The following FHIT variants were observed in gnomAD, a reference collection of about 807,000 sequenced individuals.
FHIT encodes the protein fragile histidine triad diadenosine triphosphatase.
In FHIT, 19 loss-of-function variants were observed where a neutral mutation model predicts 17.9. The ratio of observed to expected loss-of-function variants is 1.06; its 90% CI spans 0.74 to 1.56. The LOEUF (loss-of-function observed/expected upper bound fraction) is 1.56, where lower values mean the gene tolerates loss of function less well. Ranked by LOEUF, FHIT falls within the 40% of genes most tolerant of loss-of-function variation. The pLI, the probability that FHIT is intolerant of heterozygous loss-of-function variation, is 0.00. For synonymous variants in FHIT, 81 were observed against 69.7 expected (o/e 1.16, Z -0.81); for missense variants, 248 against 189.2 (o/e 1.31, Z -1.82).
At chr3:60,143,984 A>C (rs1700136437) in intron 5 of FHIT, among the ~76,000 whole-genome samples, 1 of 152,140 alleles carries the variant, frequency 6.6e-6, no homozygotes, top group African/African-American at 2.4e-5. Flanking sequence ...TTCCAAAGTA[A>C]CAACACTAGG....
At position 60,411,726 on chromosome 3, in the gene FHIT, G is replaced by C. The variant is rs554269720; in HGVS notation, c.103+125134C>G. ...GTGCCAGATGGTTGTTAACAAAAAA[G>C]AAAATGCTTTCAACAAACCTCACAT... On this transcript the variant is annotated intron_variant, in intron 5 of 9. Coordinates refer to ENST00000492590, the MANE Select transcript of FHIT (RefSeq NM_002012.4). Among the ~76,000 whole-genome samples, 4 of 152,192 alleles carry C rather than the reference G, an allele frequency of 2.6e-5. No individual in the cohort carries two copies. In the South Asian group the frequency reaches 8.3e-4, roughly 32 times the overall value.
intron 5 of FHIT, among the ~76,000 whole-genome samples, chr3:60,052,294 T>G (rs1351112587): frequency 1.3e-5 from 2 of 152,098 alleles, no homozygotes; most frequent in East Asian, 3.9e-4. Flanking sequence ...GGGGCAGCTT[T>G]GCCTATCACG....
chr3:60,146,620 GGGGGTA>G (rs1700253719), intron 5 of FHIT, among the ~76,000 whole-genome samples: 1 of 152,260 alleles, frequency 6.6e-6, no homozygotes, highest in African/African-American at 2.4e-5. Flanking sequence ...TAGAGAGAAT[GGGGGTA>G]GCTACGTTCA....
chr3:60,564,292 G>A (rs908432088), intron 4 of FHIT, among the ~76,000 whole-genome samples: 1 of 152,138 alleles, frequency 6.6e-6, no homozygotes, highest in Non-Finnish European at 1.5e-5. Context: ...AAATATTACT[G>A]CTTACTGATG....
At chr3:61,205,442 G>T (rs1295024744) in intron 1 of FHIT, among the ~76,000 whole-genome samples, 16 of 152,174 alleles carry the variant, frequency 1.1e-4, no homozygotes, top group South Asian at 4.2e-4. Flanking sequence ...CCACCAACAG[G>T]GTAAAAGTGT....
chr3:59,847,399 T>C (rs928797114), intron 8 of FHIT, among the ~76,000 whole-genome samples: 1 of 152,184 alleles, frequency 6.6e-6, no homozygotes, highest in African/African-American at 2.4e-5. Context: ...TCAGTCATTA[T>C]ATTTTTCAGC....
At chr3:60,348,133 G>GA (rs56239705) in intron 5 of FHIT, among the ~76,000 whole-genome samples, 150,264 of 151,688 alleles carry the variant, frequency 0.99, 74,442 homozygotes, top group Non-Finnish European at 1. Context: ...AAAGTATACT[G>GA]AAAAAAAAAT....
chr3:59,901,791 G>C (rs1434281181), intron 8 of FHIT, among the ~76,000 whole-genome samples: 1 of 152,094 alleles, frequency 6.6e-6, no homozygotes, highest in African/African-American at 2.4e-5. Context: ...ATATACCCTA[G>C]AGAAATGAAA....
At chr3:60,764,127 A>G (rs2108060152) in intron 4 of FHIT, among the ~76,000 whole-genome samples, 1 of 152,216 alleles carries the variant, frequency 6.6e-6, no homozygotes, top group East Asian at 1.9e-4. Flanking sequence ...CCAGCGTGGT[A>G]TGTTTTCCAT....
rs1308838291 is a variant in FHIT at position 60,791,282 on chromosome 3, T to C, written c.-18+30637A>G. Reference sequence around the variant, plus strand: ...CTCAGCTAAAGAGAAAAAAAAAACATGAAAATCACCAATGTATGCTCAATA... The same window carrying C: ...CTCAGCTAAAGAGAAAAAAAAAACACGAAAATCACCAATGTATGCTCAATA... On this transcript the variant is annotated intron_variant, in intron 4 of 9. Coordinates refer to ENST00000492590, the MANE Select transcript of FHIT (RefSeq NM_002012.4). 9.2e-5 allele frequency among the ~76,000 whole-genome samples: 14 copies of C among 151,736 alleles called. No individual in the cohort carries two copies. The East Asian group carries it at 1.2e-3, about 13-fold the overall frequency.
At chr3:60,515,168 G>A (rs1304908656) in intron 5 of FHIT, among the ~76,000 whole-genome samples, 1 of 152,132 alleles carries the variant, frequency 6.6e-6, no homozygotes, top group East Asian at 1.9e-4. Flanking sequence ...GCCATTATAA[G>A]AGGGTAATAT....
intron 4 of FHIT, among the ~76,000 whole-genome samples, chr3:60,568,110 T>C (rs577140770): frequency 6.6e-6 from 1 of 152,330 alleles, no homozygotes; most frequent in African/African-American, 2.4e-5. Context: ...TTACTGAGTA[T>C]ATACCCAAAG....
At position 60,018,917 on chromosome 3, in the gene FHIT, T is replaced by G. The variant is rs549192863; in HGVS notation, c.104-4765A>C. On this transcript the variant is annotated intron_variant, in intron 5 of 9. Transcript: ENST00000492590. ...ATCCCTTGAATCCGGGAGGTGGAGG[T>G]TGCAGTGAGCCAAGGTCACGCCATT... 2.0e-5 allele frequency among the ~76,000 whole-genome samples: 3 copies of G among 151,654 alleles called. No individual in the cohort carries two copies. In the East Asian group the frequency reaches 5.8e-4, roughly 29 times the overall value.
intron 8 of FHIT, among the ~76,000 whole-genome samples, chr3:59,780,544 C>A (rs578094278): frequency 2.0e-5 from 3 of 152,264 alleles, no homozygotes; most frequent in Admixed American, 2.0e-4. Flanking sequence ...GTGCCCCCAC[C>A]ACTTCCCCAA....
Position 61,045,667 on chromosome 3 carries a change from C to A in FHIT, c.-163-3568G>T, listed in dbSNP as rs918781093. ...ATAGACATCTACAGAACTCTCCACC[C>A]CAAATCAACAAAATATACTTTCTTC... On this transcript the variant is annotated intron_variant, in intron 2 of 9. Transcript: ENST00000492590. Among the ~76,000 whole-genome samples, 4 of 152,150 alleles carry A rather than the reference C, an allele frequency of 2.6e-5. No individual in the cohort carries two copies. In the South Asian group the frequency reaches 8.3e-4, roughly 32 times the overall value.
At chr3:60,035,741 T>G (rs17256807) in intron 5 of FHIT, among the ~76,000 whole-genome samples, 15,996 of 152,176 alleles carry the variant, frequency 0.11, 951 homozygotes, top group Non-Finnish European at 0.12. Flanking sequence ...TTCTCACTAT[T>G]CTCGCCAGCA....
At chr3:60,826,449 C>T (rs2106793837) in intron 3 of FHIT, among the ~76,000 whole-genome samples, 1 of 152,290 alleles carries the variant, frequency 6.6e-6, no homozygotes, top group East Asian at 1.9e-4. Context: ...GCCTCAGCCT[C>T]CCAAGTAGCT....
intron 5 of FHIT, among the ~76,000 whole-genome samples, chr3:60,283,486 A>T (rs1369815251): frequency 6.6e-6 from 1 of 152,176 alleles, no homozygotes; most frequent in Non-Finnish European, 1.5e-5. Context: ...AAAAACATGT[A>T]TCCATCACCA....
At chr3:60,957,553 C>G (rs1206503379) in intron 3 of FHIT, among the ~76,000 whole-genome samples, 3 of 152,148 alleles carry the variant, frequency 2.0e-5, no homozygotes, top group African/African-American at 7.2e-5. Flanking sequence ...CTTTTCTGTC[C>G]ACAGCCAAAA....
Sources: allele counts gnomAD v4.1 joint callset (sites outside exome capture counted in the v4.1 genomes callset), GRCh38; gene constraint gnomAD v4.1.1; transcripts MANE v1.5; gene names NCBI Gene and HGNC (gene_info 2026-07-23, HGNC 2026-07-21).